Variants in ADGRL3 observed in about 807,000 individuals in gnomAD.
ADGRL3 encodes calcium-independent alpha-latrotoxin receptor 3.
ADGRL3 carries 62 observed loss-of-function variants against 153.5 expected under a neutral mutation model. The ratio of observed to expected loss-of-function variants is 0.40; its 90% confidence interval spans 0.33 to 0.50. The LOEUF (loss-of-function observed/expected upper bound fraction) is 0.50. Ranked by LOEUF, ADGRL3 falls within the 20% of genes least tolerant of loss-of-function variation. The probability of loss-of-function intolerance (pLI) is 0.47; values close to 1 mark genes in which losing one functional copy is unlikely to be tolerated. For synonymous variants in ADGRL3, 710 were observed against 672.5 expected, an observed-to-expected ratio of 1.06 and a Z score of -0.86; for missense variants, 1,641 against 1,859.4, an observed-to-expected ratio of 0.88 and a Z score of 2.16.
chr4:61,917,463 T>C (rs539422053), intron 13 of ADGRL3, among the ~76,000 whole-genome samples: 4 of 152,208 alleles, frequency 2.6e-5, no homozygotes, highest in Non-Finnish European at 5.9e-5. Flanking sequence ...GAGACTCTGA[T>C]GAAAAAGTTA....
intron 17 of ADGRL3, among the ~76,000 whole-genome samples, chr4:61,962,308 A>T (rs1433311294): frequency 6.6e-6 from 1 of 152,200 alleles, no homozygotes; most frequent in Non-Finnish European, 1.5e-5. Context: ...TCAAGCAATT[A>T]TATTTTAAGA....
chr4:61,459,524 A>G (rs536129834), intron 2 of ADGRL3, among the ~76,000 whole-genome samples: 1 of 152,152 alleles, frequency 6.6e-6, no homozygotes, highest in South Asian at 2.1e-4. Flanking sequence ...ATTGGTAAAG[A>G]GGTATCTTCG....
At chr4:61,823,742 T>C (rs1439386550) in intron 9 of ADGRL3, among the ~76,000 whole-genome samples, 5 of 152,118 alleles carry the variant, frequency 3.3e-5, no homozygotes. Context: ...AACTACGACT[T>C]AGTGCCCAGT....
At chr4:61,878,065 G>A (rs2098486028) in intron 9 of ADGRL3, among the ~76,000 whole-genome samples, 2 of 152,132 alleles carry the variant, frequency 1.3e-5, no homozygotes, top group African/African-American at 4.8e-5. Flanking sequence ...CTGTGAGTCA[G>A]TTTGACCAAT....
intron 5 of ADGRL3, among the ~76,000 whole-genome samples, chr4:61,662,496 C>T (rs537430891): frequency 1.3e-5 from 2 of 152,196 alleles, no homozygotes; most frequent in Non-Finnish European, 2.9e-5. Flanking sequence ...GCTGCCTTGG[C>T]CCCCTCCAGA....
chr4:61,796,713 T>C (rs1488552498), intron 8 of ADGRL3, among the ~76,000 whole-genome samples: 2 of 152,212 alleles, frequency 1.3e-5, no homozygotes, highest in African/African-American at 4.8e-5. Context: ...TTTTGGTATT[T>C]GCTGTCGTTA....
At chr4:61,326,599 A>ATATGTGTG (rs112052760) in intron 1 of ADGRL3, among the ~76,000 whole-genome samples, 3 of 140,730 alleles carry the variant, frequency 2.1e-5, no homozygotes, top group African/African-American at 7.8e-5. Context: ...ATGCCAGATA[A>ATATGTGTG]TGTGTGTGTG....
At chr4:61,731,597 A>G (rs886894037) in intron 7 of ADGRL3, among the ~76,000 whole-genome samples, 3 of 152,234 alleles carry the variant, frequency 2.0e-5, no homozygotes, top group Non-Finnish European at 2.9e-5. Context: ...TAAAGGTGCC[A>G]TGATCCAATT....
chr4:62,033,314 G>C (rs888736206), intron 23 of ADGRL3, among the ~76,000 whole-genome samples: 1 of 151,714 alleles, frequency 6.6e-6, no homozygotes, highest in African/African-American at 2.4e-5. Context: ...CTGCAAGGGA[G>C]ACAGAAAAAC....
At chr4:61,795,011 A>G (rs746341299) in intron 8 of ADGRL3, among the ~76,000 whole-genome samples, 2 of 152,242 alleles carry the variant, frequency 1.3e-5, no homozygotes, top group South Asian at 2.1e-4. Flanking sequence ...AGCACTTTAC[A>G]TGAATAATTT....
intron 2 of ADGRL3, among the ~76,000 whole-genome samples, chr4:61,491,052 A>T (rs1037207831): frequency 1.3e-5 from 2 of 152,084 alleles, no homozygotes; most frequent in Non-Finnish European, 2.9e-5. Context: ...ATTTGATAGG[A>T]TGGTGATGGA....
At chr4:61,353,031 A>G (rs962718299) in intron 1 of ADGRL3, among the ~76,000 whole-genome samples, 4 of 152,166 alleles carry the variant, frequency 2.6e-5, no homozygotes, top group African/African-American at 9.7e-5. Flanking sequence ...AAATCCTATG[A>G]AAGGGATCTT....
intron 2 of ADGRL3, among the ~76,000 whole-genome samples, chr4:61,453,174 G>A (rs1340060614): frequency 6.6e-6 from 1 of 152,076 alleles, no homozygotes; most frequent in South Asian, 2.1e-4. Flanking sequence ...AATGTCTGAA[G>A]GACACTGAAC....
chr4:61,607,736 A>G (rs2149626515), intron 5 of ADGRL3, among the ~76,000 whole-genome samples: 1 of 152,342 alleles, frequency 6.6e-6, no homozygotes, highest in East Asian at 1.9e-4. Context: ...ACATTTTTGC[A>G]GAATTCAGAC....
chr4:61,449,392 C>T (rs1224680468), intron 2 of ADGRL3, among the ~76,000 whole-genome samples: 1 of 152,056 alleles, frequency 6.6e-6, no homozygotes, highest in East Asian at 1.9e-4. Flanking sequence ...GCCTCGGCCT[C>T]CCAAAGTGCT....
At chr4:61,869,494 A>AG (rs1439125216) in intron 9 of ADGRL3, among the ~76,000 whole-genome samples, 1 of 151,734 alleles carries the variant, frequency 6.6e-6, no homozygotes, top group East Asian at 2.0e-4. Flanking sequence ...GCTACTCGGG[A>AG]GGCTGAGGCA....
intron 13 of ADGRL3, among the ~76,000 whole-genome samples, chr4:61,917,096 G>T (rs1383962943): frequency 1.3e-5 from 2 of 152,036 alleles, no homozygotes; most frequent in Non-Finnish European, 2.9e-5. Context: ...CTTAACAGAT[G>T]AAAAAATGGA....
At chr4:61,562,113 A>G (rs1408135426) in intron 4 of ADGRL3, among the ~76,000 whole-genome samples, 1 of 152,214 alleles carries the variant, frequency 6.6e-6, no homozygotes, top group African/African-American at 2.4e-5. Context: ...CTCAATGCAT[A>G]TAAAATTTAT....
At chr4:61,459,990 G>T (rs571349304) in intron 2 of ADGRL3, among the ~76,000 whole-genome samples, 1 of 152,078 alleles carries the variant, frequency 6.6e-6, no homozygotes, top group Non-Finnish European at 1.5e-5. Flanking sequence ...CTTGTTGGAT[G>T]AGTAATTTGC....
Sources: gnomAD v4.1 joint callset for allele counts (sites outside exome capture counted in the v4.1 genomes callset) on GRCh38, gnomAD v4.1.1 for gene constraint, MANE v1.5 for transcripts, NCBI Gene and HGNC (gene_info 2026-07-23, HGNC 2026-07-21) for gene names.